Variants in SHANK2 observed in about 807,000 individuals in gnomAD.
SHANK2 encodes SH3 and multiple ankyrin repeat domains protein 2.
Under a neutral mutation model 133.7 loss-of-function variants are expected in SHANK2, and 43 were observed. The ratio of observed to expected loss-of-function variants is 0.32; its 90% CI spans 0.25 to 0.41. The LOEUF is 0.41. SHANK2 is among the 10% of genes least tolerant of loss of function. The pLI is 1.00. For missense variants in SHANK2, 1,994 were observed against 2,235.8 expected (o/e 0.89, Z 2.18); for synonymous variants, 1,017 against 952.8 (o/e 1.07, Z -1.24).
Position 70,908,105 on chromosome 11 carries a change from G to GA in SHANK2, c.1108-11539dup, listed in dbSNP as rs782334428. The GA allele has an allele frequency of 3.1e-3, 743 of 239,476 alleles. 1 individual carries two copies. Among genetic ancestry groups the GA allele is most frequent in the South Asian group, 5.9e-3 (130 of 22,084 alleles). 14.8% of individuals were successfully genotyped at this position (239,476 alleles called of 1,614,324 possible). On this transcript the variant is annotated intron_variant, in intron 10 of 25. Transcript: ENST00000601538. The stretch of plus-strand genomic sequence containing the variant: ...AGTGAGAGTCCATCTCAAAAAAAAA[G>GA]AAAAAAAAAATCTTAATAAACTGGG...
At chr11:70,655,531 C>G (rs1366266947) in intron 17 of SHANK2, among the ~76,000 whole-genome samples, 1 of 152,160 alleles carries the variant, frequency 6.6e-6, no homozygotes, top group Non-Finnish European at 1.5e-5. Flanking sequence ...GTTTGGAGAT[C>G]CAGCTCAGCT....
At chr11:70,846,315 A>G (rs1041246252) in intron 11 of SHANK2, among the ~76,000 whole-genome samples, 4 of 152,108 alleles carry the variant, frequency 2.6e-5, no homozygotes, top group African/African-American at 9.7e-5. Context: ...TCAGGCTGAT[A>G]TGCAGTGGTG....
chr11:70,500,623 C>T lies in SHANK2; in HGVS notation c.2288-33G>A. 1.3e-6 allele frequency: 2 copies of T among 1,595,562 alleles called. No individual in the cohort carries two copies. The highest frequency in any genetic ancestry group is 1.1e-5 in the South Asian group (1 of 87,862). On this transcript the variant is annotated intron_variant, in intron 20 of 25. Coordinates refer to ENST00000601538, the MANE Select transcript of SHANK2 (RefSeq NM_012309.5). This position sits in a 1 kb window ranked among gnomAD's most constrained non-coding sequence, Gnocchi z 4.5. ...ACAGAAAGGGGACCGCCATGAGCCA[C>T]CAGGATGCAGCGCCCGCCCGCAGCC...
chr11:70,669,453 T>TG (rs1182953673), intron 15 of SHANK2: 2 of 152,268 alleles, frequency 1.3e-5, no homozygotes, highest in Non-Finnish European at 1.5e-5. Flanking sequence ...GAGCATTCGG[T>TG]GGGGGGCGTT....
chr11:70,729,195 T>TAAAA (rs34711436), intron 14 of SHANK2, among the ~76,000 whole-genome samples: 2 of 144,608 alleles, frequency 1.4e-5, no homozygotes, highest in Non-Finnish European at 3.0e-5. Context: ...AGAATTCATC[T>TAAAA]AAAAAAAAAT....
At chr11:70,531,196 T>G (rs1300317435) in intron 17 of SHANK2, among the ~76,000 whole-genome samples, 1 of 148,690 alleles carries the variant, frequency 6.7e-6, no homozygotes, top group African/African-American at 2.5e-5. Flanking sequence ...AAGGCTAAGA[T>G]TATAGAGTTT....
At chr11:70,609,875 A>C (rs2060636911) in intron 17 of SHANK2, among the ~76,000 whole-genome samples, 1 of 151,888 alleles carries the variant, frequency 6.6e-6, no homozygotes, top group Non-Finnish European at 1.5e-5. Flanking sequence ...TCGGGCATGA[A>C]AAGGAATGAG....
intron 2 of SHANK2, among the ~76,000 whole-genome samples, chr11:71,209,442 G>A (rs1954204489): frequency 6.6e-6 from 1 of 152,198 alleles, no homozygotes; most frequent in South Asian, 2.1e-4. Flanking sequence ...GGTGTGGAGG[G>A]GGTCAGGCTT....
chr11:70,778,088 C>A (rs891575358), intron 14 of SHANK2, among the ~76,000 whole-genome samples: 7 of 152,174 alleles, frequency 4.6e-5, no homozygotes, highest in Non-Finnish European at 8.8e-5. Flanking sequence ...ACATTACTGT[C>A]AATGCCAACA....
At chr11:71,170,193 T>A (rs1057141764) in intron 2 of SHANK2, among the ~76,000 whole-genome samples, 4 of 152,196 alleles carry the variant, frequency 2.6e-5, no homozygotes, top group African/African-American at 9.6e-5. Context: ...TATTAGTCCA[T>A]TTTCATAGAC....
chr11:70,516,256 G>T (rs12225618), intron 17 of SHANK2, among the ~76,000 whole-genome samples: 17,943 of 152,194 alleles, frequency 0.12, 1,213 homozygotes, highest in East Asian at 0.34. Context: ...TCAAGGCAGC[G>T]GGGTACTGGT....
chr11:70,600,516 A>G (rs1554990853), intron 17 of SHANK2, among the ~76,000 whole-genome samples: 1 of 152,124 alleles, frequency 6.6e-6, no homozygotes, highest in African/African-American at 2.4e-5. Flanking sequence ...CGATTGCTCA[A>G]ATAATCCTGA....
chr11:70,763,386 C>G (rs148592068), intron 14 of SHANK2, among the ~76,000 whole-genome samples: 2 of 152,082 alleles, frequency 1.3e-5, no homozygotes, highest in African/African-American at 2.4e-5. Context: ...GGAGCTGCTC[C>G]GGGATAACTG....
chr11:70,646,534 G>T, intron 17 of SHANK2, among the ~76,000 whole-genome samples: 1 of 152,220 alleles, frequency 6.6e-6, no homozygotes, highest in Non-Finnish European at 1.5e-5. Flanking sequence ...TCTCTGCTTA[G>T]GGGCTATGGA....
At chr11:70,566,719 C>G (rs2059973198) in intron 17 of SHANK2, 2 of 152,220 alleles carry the variant, frequency 1.3e-5, no homozygotes, top group Non-Finnish European at 2.9e-5. Flanking sequence ...CCCCGAGCAG[C>G]TATCCTGGCT....
At chr11:70,820,792 C>G in intron 11 of SHANK2, 110 bp from the exon 12 acceptor site, 1 of 567,452 alleles carries the variant, frequency 1.8e-6, no homozygotes. Context: ...CCCATGCGAG[C>G]CCAGCAGAGG....
intron 17 of SHANK2, among the ~76,000 whole-genome samples, chr11:70,539,077 G>A (rs2136015496): frequency 6.6e-6 from 1 of 152,362 alleles, no homozygotes; most frequent in East Asian, 1.9e-4. Flanking sequence ...AGTTCTAACA[G>A]GGTGGCTAAC....
chr11:70,489,316 A>C lies in SHANK2; in HGVS notation c.2572+12T>G. ...TTCAGATTACAGATTCCAAACCGTA[A>C]GGTTCACTAACCTGATAGAAAGATT... On this transcript the variant is annotated intron_variant, in intron 24 of 25. Coordinates refer to ENST00000601538, the MANE Select transcript of SHANK2 (RefSeq NM_012309.5). 1.9e-6 allele frequency: 3 copies of C among 1,612,782 alleles called. No homozygotes were observed. The highest frequency in any genetic ancestry group is 2.5e-6 in the Non-Finnish European group (3 of 1,178,752).
intron 10 of SHANK2, among the ~76,000 whole-genome samples, chr11:70,904,793 C>G (rs1555077551): frequency 6.6e-6 from 1 of 152,164 alleles, no homozygotes. Context: ...CAGGCATGAG[C>G]CATCGTGCCC....
Sources: allele counts gnomAD v4.1 joint callset (sites outside exome capture counted in the v4.1 genomes callset), GRCh38; gene constraint gnomAD v4.1.1; non-coding constraint Gnocchi (gnomAD v3.1); transcripts MANE v1.5; gene names NCBI Gene and HGNC (gene_info 2026-07-23, HGNC 2026-07-21).